The following B4GALT6 variants were observed in gnomAD, a reference collection of about 807,000 sequenced individuals.
B4GALT6 encodes beta-1,4-galactosyltransferase 6.
B4GALT6 carries 14 observed loss-of-function variants against 46.3 expected under a neutral mutation model. That is an observed-to-expected ratio of 0.30 (90% CI 0.20 to 0.47). B4GALT6 has a LOEUF of 0.47. B4GALT6 is among the 20% of genes least tolerant of loss of function. The pLI is 0.99. For missense variants in B4GALT6, 386 were observed against 480.1 expected (o/e 0.80, Z 1.83); for synonymous variants, 168 against 162.0 (o/e 1.04, Z -0.28).
the B4GALT6 span, among the ~76,000 whole-genome samples, chr18:31,690,945 G>A: frequency 2.0e-5 from 3 of 152,072 alleles, no homozygotes; most frequent in Admixed American, 6.6e-5. Context: ...GAGGTGAACA[G>A]TGAGAACACA....
intron 5 of B4GALT6, among the ~76,000 whole-genome samples, chr18:31,633,852 A>G (rs2073823368): frequency 6.6e-6 from 1 of 152,182 alleles, no homozygotes; most frequent in Non-Finnish European, 1.5e-5. Flanking sequence ...CTCTACCCTG[A>G]GTGCCATGGA....
chr18:31,648,953 G>T (rs1038503510), intron 3 of B4GALT6, among the ~76,000 whole-genome samples: 4 of 152,042 alleles, frequency 2.6e-5, no homozygotes, highest in African/African-American at 9.7e-5. Flanking sequence ...TTACCCTCAG[G>T]GTTTTAAATG....
At chr18:31,712,256 C>T in the B4GALT6 span, among the ~76,000 whole-genome samples, 3 of 142,868 alleles carry the variant, frequency 2.1e-5, no homozygotes, top group Non-Finnish European at 4.6e-5. Flanking sequence ...TTCGGAGTTG[C>T]CCTTGTTTTT....
chr18:31,697,704 G>T, the B4GALT6 span, among the ~76,000 whole-genome samples: 540 of 152,246 alleles, frequency 3.5e-3, 5 homozygotes, highest in African/African-American at 0.012. Context: ...CATGGATGAG[G>T]GGGCTAGGAA....
chr18:31,639,226 C>T (rs2073900516), intron 4 of B4GALT6, among the ~76,000 whole-genome samples: 1 of 152,070 alleles, frequency 6.6e-6, no homozygotes, highest in South Asian at 2.1e-4. Context: ...AAGAGGTAAG[C>T]TAGCAGGGTT....
the B4GALT6 span, among the ~76,000 whole-genome samples, chr18:31,699,278 T>TTTC: frequency 1.7e-4 from 16 of 96,892 alleles, no homozygotes; most frequent in African/African-American, 9.9e-4. Flanking sequence ...TTCTTTCTTT[T>TTTC]TTTTTTTTTT....
intron 7 of B4GALT6, 59 bp from the exon 8 acceptor site, chr18:31,626,443 G>A: frequency 3.0e-6 from 3 of 994,492 alleles, no homozygotes; most frequent in Non-Finnish European, 3.0e-6. Flanking sequence ...AATGGGTTAT[G>A]TGAGTTCAAT....
At chr18:31,686,385 C>T (rs2029921433), upstream of B4GALT6, 1 of 152,234 alleles carries the variant, frequency 6.6e-6, no homozygotes, top group Non-Finnish European at 1.5e-5. Flanking sequence ...CTGGAAGCTA[C>T]TACTTTGTGT....
At chr18:31,662,177 A>C (rs2074225082) in intron 2 of B4GALT6, among the ~76,000 whole-genome samples, 1 of 152,196 alleles carries the variant, frequency 6.6e-6, no homozygotes, top group African/African-American at 2.4e-5. Flanking sequence ...AACCACATTT[A>C]AGTGCCTTCA....
chr18:31,673,805 AGATG>A (rs2074385202), intron 1 of B4GALT6, among the ~76,000 whole-genome samples: 1 of 152,178 alleles, frequency 6.6e-6, no homozygotes, highest in Non-Finnish European at 1.5e-5. Flanking sequence ...GGGTCTTTCC[AGATG>A]CAATTAAGCT....
At chr18:31,640,260 T>C (rs2073913157) in intron 4 of B4GALT6, among the ~76,000 whole-genome samples, 1 of 152,138 alleles carries the variant, frequency 6.6e-6, no homozygotes, top group Non-Finnish European at 1.5e-5. Flanking sequence ...TATTAATAAA[T>C]GAATAAATGG....
At chr18:31,627,502 C>G (rs1386599260) in intron 6 of B4GALT6, among the ~76,000 whole-genome samples, 3 of 151,896 alleles carry the variant, frequency 2.0e-5, no homozygotes, top group Non-Finnish European at 4.4e-5. Flanking sequence ...ACTAGTAACA[C>G]TGAAAAAATT....
chr18:31,690,282 C>T (rs2030065508), upstream of B4GALT6, among the ~76,000 whole-genome samples: 1 of 151,878 alleles, frequency 6.6e-6, no homozygotes, highest in Admixed American at 6.6e-5. Flanking sequence ...CAGGTGCCCA[C>T]CACCATGCCT....
the B4GALT6 span, among the ~76,000 whole-genome samples, chr18:31,709,391 A>G: frequency 6.7e-6 from 1 of 149,978 alleles, no homozygotes; most frequent in Non-Finnish European, 1.5e-5. Flanking sequence ...TTAAAAACCC[A>G]TGGACAATAG....
upstream of B4GALT6, chr18:31,686,791 C>T (rs766581667): frequency 2.6e-5 from 4 of 152,200 alleles, no homozygotes; most frequent in African/African-American, 4.8e-5. Flanking sequence ...TGATTTTCCC[C>T]TCTCCAATCC....
At chr18:31,654,517 T>C (rs562082826) in intron 3 of B4GALT6, among the ~76,000 whole-genome samples, 28 of 152,350 alleles carry the variant, frequency 1.8e-4, no homozygotes, top group Admixed American at 1.8e-3. Context: ...TTGGCCACTA[T>C]TGAATATGAA....
At chr18:31,658,193 T>C (rs1480757740) in intron 2 of B4GALT6, 104 bp from the exon 3 acceptor site, 1 of 755,794 alleles carries the variant, frequency 1.3e-6, no homozygotes, top group African/African-American at 1.8e-5. Context: ...CAATATACAA[T>C]CTACAGAAGT....
At chr18:31,712,050 A>G in the B4GALT6 span, among the ~76,000 whole-genome samples, 5 of 152,094 alleles carry the variant, frequency 3.3e-5, no homozygotes, top group Non-Finnish European at 7.4e-5. Flanking sequence ...TTTGTTTTCT[A>G]AGCACTTTTC....
intron 1 of B4GALT6, among the ~76,000 whole-genome samples, chr18:31,681,316 T>C (rs1407237474): frequency 6.6e-6 from 1 of 152,236 alleles, no homozygotes; most frequent in African/African-American, 2.4e-5. Flanking sequence ...TTTGCAATCA[T>C]GCACAAAGGT....
Sources: allele counts gnomAD v4.1 joint callset (sites outside exome capture counted in the v4.1 genomes callset), GRCh38; gene constraint gnomAD v4.1.1; transcripts MANE v1.5; gene names NCBI Gene and HGNC (gene_info 2026-07-23, HGNC 2026-07-21).